Variants in ADGRV1 observed in about 807,000 individuals in gnomAD.
ADGRV1 encodes the protein G-protein coupled receptor 98.
ADGRV1 carries 359 observed loss-of-function variants against 596.2 expected under a neutral mutation model. The observed-to-expected ratio is 0.60, with a 90% CI of 0.55 to 0.66. The LOEUF (loss-of-function observed/expected upper bound fraction) is 0.66, where lower values mean the gene tolerates loss of function less well. Ranked by LOEUF, ADGRV1 falls within the 30% of genes least tolerant of loss-of-function variation. ADGRV1 has a pLI of 0.00. For missense variants in ADGRV1, 7,274 were observed against 7,575.6 expected, an observed-to-expected ratio of 0.96 and a Z score of 1.48; for synonymous variants, 2,681 against 2,679.2, an observed-to-expected ratio of 1.00 and a Z score of -0.02.
At chr5:90,645,863 G>T (rs1767675031) in intron 15 of ADGRV1, 105 bp from the exon 16 acceptor site, 1 of 799,596 alleles carries the variant, frequency 1.3e-6, no homozygotes, top group Admixed American at 3.7e-5. Flanking sequence ...ATGAATAATG[G>T]TAGTGTTAAT....
At chr5:90,987,504 G>C (rs1017238893) in intron 85 of ADGRV1, among the ~76,000 whole-genome samples, 3 of 150,492 alleles carry the variant, frequency 2.0e-5, no homozygotes, top group African/African-American at 4.9e-5. Context: ...TTAGATCAGC[G>C]TGTCTAACCT....
At chr5:91,001,202 C>G (rs982954717) in intron 85 of ADGRV1, among the ~76,000 whole-genome samples, 4 of 152,044 alleles carry the variant, frequency 2.6e-5, no homozygotes, top group African/African-American at 7.2e-5. Flanking sequence ...CTCAGCTTCC[C>G]TAGTAGCTGG....
At position 90,810,981 on chromosome 5, in the gene ADGRV1, G is replaced by T; in HGVS notation, c.15721G>T (p.Ala5241Ser). ...EEMKNGTFNT[A>S]EVLIRRTGGF... ...GATGAAGAATGGCACATTCAACACT[G>T]CAGAAGTTCTTATCCGAAGAACTGG... Residue 5241 changes from alanine (A) to serine (S), a missense_variant, in exon 74 of 90, where the codon GCA becomes TCA. Physicochemically the swap from Ala to Ser is moderately conservative, Grantham distance 99. Around this residue, in one of 5 missense-constraint regions of ADGRV1, gnomAD observed 1,874 missense variants for 1,970.2 expected, o/e 0.95. Transcript: ENST00000405460. 1 of 1,614,006 alleles carries T rather than the reference G, an allele frequency of 6.2e-7. No individual in the cohort carries two copies. Among genetic ancestry groups the T allele is most frequent in the Non-Finnish European group, 8.5e-7 (1 of 1,179,898 alleles).
chr5:90,946,866 G>T (rs1232487319), intron 83 of ADGRV1, among the ~76,000 whole-genome samples: 2 of 152,042 alleles, frequency 1.3e-5, no homozygotes, highest in Non-Finnish European at 2.9e-5. Flanking sequence ...GTCTATCATT[G>T]ATGGACATTT....
chr5:91,059,926 C>T (rs1787249465), intron 85 of ADGRV1, among the ~76,000 whole-genome samples: 1 of 151,974 alleles, frequency 6.6e-6, no homozygotes, highest in Admixed American at 6.6e-5. Flanking sequence ...AGACTAGCAA[C>T]AATCCAATAT....
At chr5:90,951,480 AATTTT>A (rs1026887088) in intron 83 of ADGRV1, among the ~76,000 whole-genome samples, 8 of 149,224 alleles carry the variant, frequency 5.4e-5, no homozygotes, top group Non-Finnish European at 4.5e-5. Context: ...TAGTAACTAA[AATTTT>A]ATTTTATTTT....
At chr5:90,704,898 C>A (rs1000198691) in intron 36 of ADGRV1, among the ~76,000 whole-genome samples, 2 of 152,018 alleles carry the variant, frequency 1.3e-5, no homozygotes, top group African/African-American at 4.8e-5. Context: ...GCAGCCGCCG[C>A]CTCCCGGGTT....
chr5:91,066,582 G>C (rs1437177251), intron 85 of ADGRV1, among the ~76,000 whole-genome samples: 1 of 152,218 alleles, frequency 6.6e-6, no homozygotes, highest in Non-Finnish European at 1.5e-5. Flanking sequence ...AAGGTGTTAA[G>C]TATATGAGAC....
intron 87 of ADGRV1, among the ~76,000 whole-genome samples, chr5:91,110,979 TACA>T (rs567905192): frequency 3.9e-4 from 59 of 152,300 alleles, no homozygotes; most frequent in African/African-American, 1.3e-3. Context: ...AGAGGGGAGT[TACA>T]ACATGGAATT....
chr5:90,759,701 C>T (rs976083163), intron 58 of ADGRV1, 113 bp downstream of exon 58: 20 of 896,606 alleles, frequency 2.2e-5, no homozygotes, highest in Non-Finnish European at 3.4e-5. Flanking sequence ...CATGGTGGCT[C>T]ATGCCAGTAA....
intron 29 of ADGRV1, among the ~76,000 whole-genome samples, chr5:90,689,332 CTT>C (rs34756274): frequency 0.025 from 2,648 of 104,304 alleles, 84 homozygotes; most frequent in African/African-American, 0.096. Flanking sequence ...CCCCACCCAC[CTT>C]TTTTTTTTTT....
intron 1 of ADGRV1, among the ~76,000 whole-genome samples, chr5:90,597,331 A>G (rs538008008): frequency 6.6e-6 from 1 of 152,358 alleles, no homozygotes; most frequent in South Asian, 2.1e-4. Flanking sequence ...AATATTGAAT[A>G]AAAGTTGTAT....
intron 21 of ADGRV1, among the ~76,000 whole-genome samples, chr5:90,658,738 G>T (rs756542461): frequency 6.7e-6 from 1 of 149,628 alleles, no homozygotes; most frequent in Non-Finnish European, 1.5e-5. Context: ...CTTCCATGTT[G>T]GGTGTAAATA....
intron 74 of ADGRV1, 67 bp downstream of exon 74, chr5:90,811,405 C>T: frequency 2.2e-6 from 3 of 1,365,512 alleles, no homozygotes; most frequent in Non-Finnish European, 2.0e-6. Context: ...TAAGGTGAAT[C>T]TAGCTTAAAT....
intron 1 of ADGRV1, among the ~76,000 whole-genome samples, chr5:90,604,372 C>T (rs1330539865): frequency 1.3e-5 from 2 of 151,976 alleles, no homozygotes; most frequent in African/African-American, 4.8e-5. Context: ...TAAAAACAGA[C>T]TGTCTTCAAT....
At chr5:90,822,543 A>C (rs556460801) in intron 75 of ADGRV1, among the ~76,000 whole-genome samples, 1 of 152,190 alleles carries the variant, frequency 6.6e-6, no homozygotes, top group South Asian at 2.1e-4. Flanking sequence ...CTTGTAGTAT[A>C]GTTTGAGGTC....
intron 85 of ADGRV1, among the ~76,000 whole-genome samples, chr5:91,055,609 GC>G (rs1786770492): frequency 6.6e-6 from 1 of 152,182 alleles, no homozygotes; most frequent in Non-Finnish European, 1.5e-5. Flanking sequence ...GGTGCTCAAA[GC>G]CAGGGCTATC....
chr5:90,781,043 C>T (rs1008577097), intron 64 of ADGRV1: 10 of 202,228 alleles, frequency 4.9e-5, no homozygotes, highest in Non-Finnish European at 1.0e-4. Context: ...ATCTCAAGGC[C>T]GCCTGCTTAC....
intron 70 of ADGRV1, chr5:90,791,792 G>A (rs986404622): frequency 6.4e-6 from 1 of 155,380 alleles, no homozygotes; most frequent in Non-Finnish European, 1.4e-5. Flanking sequence ...TTCTCTTTTT[G>A]AAAAGTTGAA....
Sources: gnomAD v4.1 joint callset for allele counts (sites outside exome capture counted in the v4.1 genomes callset) on GRCh38, gnomAD v4.1.1 for gene constraint, gnomAD v4.1.1 regional missense constraint, MANE v1.5 for transcripts, NCBI Gene and HGNC (gene_info 2026-07-23, HGNC 2026-07-21) for gene names.